The following CEP83 variants were observed in gnomAD, a reference collection of about 807,000 sequenced individuals.
The protein encoded by CEP83 is centrosomal protein of 83 kDa.
A neutral mutation model predicts 101.9 loss-of-function variants in CEP83; 70 were observed. That is an observed-to-expected ratio of 0.69 (90% CI 0.57 to 0.84). CEP83 has a LOEUF of 0.84. CEP83 is among the 40% of genes least tolerant of loss of function. CEP83 has a pLI of 0.00. For missense variants in CEP83, 715 were observed against 787.2 expected (o/e 0.91, Z 1.10); for synonymous variants, 264 against 267.9 (o/e 0.99, Z 0.14).
chr12:94,309,948 G>A lies in CEP83; in HGVS notation c.1971C>T (p.Ser657=). The A allele has an allele frequency of 1.9e-6, 3 of 1,608,376 alleles. No individual in the cohort carries two copies. The highest frequency in any genetic ancestry group is 2.5e-6 in the Non-Finnish European group (3 of 1,176,964). The change falls in exon 16 of 17, where the codon AGC becomes AGT. Residue 657 remains serine (S), a synonymous_variant. Transcript: ENST00000397809. Reference sequence around the variant, plus strand: ...TATGAGGAGGAAATGGTAGTTCCATGCTTGGAACCATGGCTGATGACTGAA... The same window carrying A: ...TATGAGGAGGAAATGGTAGTTCCATACTTGGAACCATGGCTGATGACTGAA... ...VSFQSSAMVP[S]MELPFPPHMQ...
chr12:94,280,503 G>A, the CEP83 span, among the ~76,000 whole-genome samples: 2 of 152,228 alleles, frequency 1.3e-5, no homozygotes, highest in Non-Finnish European at 2.9e-5. Context: ...TTGAGGCAGG[G>A]TCTTGGAAGT....
chr12:94,423,955 T>TCTG (rs1279311551), intron 2 of CEP83: 11 of 1,612,600 alleles, frequency 6.8e-6, no homozygotes, highest in African/African-American at 2.7e-5. Flanking sequence ...GGGTAAGGGG[T>TCTG]CCCATCATGG....
At chr12:94,426,426 T>A (rs527422238) in intron 2 of CEP83, among the ~76,000 whole-genome samples, 1 of 152,212 alleles carries the variant, frequency 6.6e-6, no homozygotes, top group Non-Finnish European at 1.5e-5. Context: ...ACTTTGTCCA[T>A]GACAAGAAAC....
rs530905378 is a variant in CEP83 at position 94,411,428 on chromosome 12, T to C, written c.324+269A>G. On this transcript the variant is annotated intron_variant, in intron 4 of 16. Coordinates refer to ENST00000397809, the MANE Select transcript of CEP83 (RefSeq NM_016122.3). Reference sequence around the variant, plus strand: ...TTTTTATCAATTCAAACTCACTTTTTCCCTAATTATTCTTAATGGTTAAAT... The same window carrying C: ...TTTTTATCAATTCAAACTCACTTTTCCCCTAATTATTCTTAATGGTTAAAT... Among the ~76,000 whole-genome samples, 5 of 152,160 alleles carry C rather than the reference T, an allele frequency of 3.3e-5. No homozygotes were observed. In the South Asian group the frequency reaches 6.2e-4, roughly 19 times the overall value.
rs747248409 is a variant in CEP83, at chr12:94,309,989, T to C, written c.1930A>G (p.Ile644Val). 4 of 1,612,424 alleles carry C rather than the reference T, an allele frequency of 2.5e-6. No homozygotes were observed. The highest frequency in any genetic ancestry group is 1.3e-5 in the African/African-American group (1 of 74,882). Residue 644 changes from isoleucine to valine, a missense_variant, in exon 16 of 17, where the codon ATC becomes GTC. Transcript: ENST00000397809. The stretch of plus-strand genomic sequence containing the variant: ...GATGACTGAAAGCTAACAGGATTGA[T>C]AGATGCTGTTGGAGGCATGTTAGGA... ...LVPNMPPTAS[I>V]NPVSFQSSAM...
At chr12:94,291,581 C>T in the CEP83 span, among the ~76,000 whole-genome samples, 1 of 152,124 alleles carries the variant, frequency 6.6e-6, no homozygotes, top group Non-Finnish European at 1.5e-5. Flanking sequence ...GTATACAATA[C>T]AGTGGTTTTA....
intron 6 of CEP83, among the ~76,000 whole-genome samples, chr12:94,388,565 T>G (rs1232864425): frequency 6.6e-6 from 1 of 152,068 alleles, no homozygotes; most frequent in Non-Finnish European, 1.5e-5. Context: ...GTAACAAATC[T>G]ACACATGTAA....
chr12:94,279,558 C>T, the CEP83 span: 2 of 1,614,006 alleles, frequency 1.2e-6, no homozygotes, highest in Middle Eastern at 1.7e-4. Flanking sequence ...TCGACTGTGA[C>T]ACCATTGGCC....
the CEP83 span, among the ~76,000 whole-genome samples, chr12:94,278,959 T>C: frequency 0.53 from 80,520 of 151,630 alleles, 21,682 homozygotes; most frequent in African/African-American, 0.63. Context: ...GATAGCACCA[T>C]TGAACTCCAG....
At chr12:94,411,125 T>A (rs999356428) in intron 4 of CEP83, among the ~76,000 whole-genome samples, 5 of 152,188 alleles carry the variant, frequency 3.3e-5, no homozygotes, top group African/African-American at 1.2e-4. Context: ...GAAATTTGAC[T>A]GGAGTTTAAA....
At chr12:94,311,278 T>A (rs1459975025) in intron 15 of CEP83, among the ~76,000 whole-genome samples, 1 of 152,262 alleles carries the variant, frequency 6.6e-6, no homozygotes, top group South Asian at 2.1e-4. Context: ...CTCTTTCATC[T>A]GACTGCTCAT....
chr12:94,459,173 T>C (rs1349388648), intron 1 of CEP83, among the ~76,000 whole-genome samples: 2 of 152,252 alleles, frequency 1.3e-5, no homozygotes, highest in East Asian at 3.8e-4. Context: ...AGTTGGACAC[T>C]GAGGATTAAC....
In CEP83 at chr12:94,375,368, G is replaced by A. The variant is rs574977419; in HGVS notation, c.933+518C>T. Among the ~76,000 whole-genome samples, 7 of 152,308 alleles carry A rather than the reference G, an allele frequency of 4.6e-5. No individual in the cohort carries two copies. In the East Asian group the frequency reaches 7.7e-4, roughly 17 times the overall value. On this transcript the variant is annotated intron_variant, in intron 8 of 16. Transcript: ENST00000397809. ...AAGACTGAGCCAAACTCAGACAAGTGCAGAAACCCTGAGCAAGATGTGAGT... is the reference window on the plus strand; with the variant it reads ...AAGACTGAGCCAAACTCAGACAAGTACAGAAACCCTGAGCAAGATGTGAGT...
chr12:94,314,105 AAGT>A (rs1970294002), intron 14 of CEP83, among the ~76,000 whole-genome samples: 1 of 152,224 alleles, frequency 6.6e-6, no homozygotes, highest in Non-Finnish European at 1.5e-5. Context: ...GTATGGAAAA[AAGT>A]AGTATTTTTT....
chr12:94,298,715 CTTT>C, the CEP83 span: 1 of 1,613,166 alleles, frequency 6.2e-7, no homozygotes, highest in Non-Finnish European at 8.5e-7. Flanking sequence ...CTATAAAATA[CTTT>C]TTTGACTTTT....
At chr12:94,412,885 C>T (rs974697396) in intron 2 of CEP83, among the ~76,000 whole-genome samples, 1 of 151,064 alleles carries the variant, frequency 6.6e-6, no homozygotes, top group African/African-American at 2.4e-5. Context: ...CGGAGTCTCG[C>T]TCGTTCGCCC....
intron 1 of CEP83, among the ~76,000 whole-genome samples, chr12:94,452,275 T>C (rs2067312153): frequency 6.6e-6 from 1 of 152,098 alleles, no homozygotes; most frequent in South Asian, 2.1e-4. Context: ...GTCGCACAAC[T>C]CTATAAAGTT....
chr12:94,407,634 C>T (rs528739182), intron 4 of CEP83, among the ~76,000 whole-genome samples: 16 of 152,032 alleles, frequency 1.1e-4, no homozygotes, highest in African/African-American at 3.4e-4. Flanking sequence ...TTCTTACCTC[C>T]TAGGAATCTT....
At chr12:94,315,193 T>A (rs1970478970) in intron 14 of CEP83, among the ~76,000 whole-genome samples, 1 of 152,204 alleles carries the variant, frequency 6.6e-6, no homozygotes, top group East Asian at 1.9e-4. Flanking sequence ...CAATTACATT[T>A]CCACCAGCAA....
Sources: allele counts gnomAD v4.1 joint callset (sites outside exome capture counted in the v4.1 genomes callset), GRCh38; gene constraint gnomAD v4.1.1; transcripts MANE v1.5; gene names NCBI Gene and HGNC (gene_info 2026-07-23, HGNC 2026-07-21).